The following PPP2R2B variants were observed in gnomAD, a reference collection of about 807,000 sequenced individuals.
The protein encoded by PPP2R2B is protein phosphatase 2 regulatory subunit Bbeta, also known as serine/threonine-protein phosphatase 2A 55 kDa regulatory subunit B beta isoform.
A neutral mutation model predicts 46.0 loss-of-function variants in PPP2R2B; 5 were observed. The observed-to-expected ratio is 0.11, with a 90% CI of 0.06 to 0.23. The LOEUF (loss-of-function observed/expected upper bound fraction) is 0.23, where lower values mean the gene tolerates loss of function less well. Among genes scored for constraint, PPP2R2B ranks in the 10% least tolerant of loss-of-function variants. The pLI, the probability that PPP2R2B is intolerant of heterozygous loss-of-function variation, is 1.00. For synonymous variants in PPP2R2B, 215 were observed against 206.7 expected, an observed-to-expected ratio of 1.04 and a Z score of -0.34; for missense variants, 367 against 575.0, an observed-to-expected ratio of 0.64 and a Z score of 3.70.
chr5:146,949,072 AG>A (rs1181120691), intron 1 of PPP2R2B, among the ~76,000 whole-genome samples: 1 of 152,124 alleles, frequency 6.6e-6, no homozygotes, highest in Non-Finnish European at 1.5e-5. Flanking sequence ...TTGCCTGAAT[AG>A]GTCAAGGAAT....
chr5:146,971,067 G>A (rs950396213), intron 1 of PPP2R2B, among the ~76,000 whole-genome samples: 3 of 151,994 alleles, frequency 2.0e-5, no homozygotes, highest in African/African-American at 7.2e-5. Context: ...TTTAAAATCA[G>A]GATTTATCTT....
At position 146,583,894 on chromosome 5, in the gene PPP2R2B, C is replaced by T. The variant is rs1333958980; in HGVS notation, c.*6053G>A. The T allele has an allele frequency of 6.6e-6, 1 of 152,206 alleles. No individual in the cohort carries two copies. The highest frequency in any genetic ancestry group is 2.4e-5 in the African/African-American group (1 of 41,452). 9.4% of individuals were successfully genotyped at this position (152,206 alleles called of 1,614,324 possible). On this transcript the variant is annotated 3_prime_UTR_variant, in exon 10 of 10. Coordinates refer to ENST00000394411, the MANE Select transcript of PPP2R2B (RefSeq NM_181675.4). ...ATCCCTAGCCAACCAGAGCAAGAATCACAGCAATCATGGCTTGTTCCTACA... is the reference window on the plus strand; with the variant it reads ...ATCCCTAGCCAACCAGAGCAAGAATTACAGCAATCATGGCTTGTTCCTACA...
In PPP2R2B at chr5:146,884,089, GTTTTT is replaced by G. The variant is rs372611320; in HGVS notation, c.79+171571_79+171575del. Among the ~76,000 whole-genome samples the G allele has an allele frequency of 5.4e-4, 57 of 104,682 alleles. 1 individual carries two copies. The highest frequency in any genetic ancestry group is 2.6e-3 in the East Asian group (9 of 3,496). The allele number at this position is 104,682 out of a possible 152,430, so 68.7% of individuals were successfully genotyped here. The stretch of plus-strand genomic sequence containing the variant: ...AAAAAAAACACTATGTAAATTCAGG[GTTTTT>G]TTTTTTTTTTTTTTTTTTGAGAGCC... On this transcript the variant is annotated intron_variant, in intron 1 of 8. Coordinates refer to the PPP2R2B transcript ENST00000336640.
Position 146,585,296 on chromosome 5 carries a change from A to ACACACACACT in PPP2R2B, c.*4650_*4651insAGTGTGTGTG, listed in dbSNP as rs2150989811. On this transcript the variant is annotated 3_prime_UTR_variant, in exon 10 of 10. Transcript: ENST00000394411. ...CACACACACACACACACACACACAC[A>ACACACACACT]CACACATAATGTATGATGGGGATAG... The ACACACACACT allele has an allele frequency of 6.5e-6, 1 of 152,962 alleles. No homozygotes were observed. The highest frequency in any genetic ancestry group is 1.9e-4 in the East Asian group (1 of 5,216). 9.5% of individuals were successfully genotyped at this position (152,962 alleles called of 1,614,324 possible). A position where few individuals can be genotyped will look rare whatever the true frequency, so the allele number is the denominator to read the frequency against.
chr5:146,671,156 T>C, intron 5 of PPP2R2B, among the ~76,000 whole-genome samples: 1 of 152,204 alleles, frequency 6.6e-6, no homozygotes, highest in East Asian at 1.9e-4. Flanking sequence ...CTTACAGTTG[T>C]GTCTTACATC....
intron 2 of PPP2R2B, among the ~76,000 whole-genome samples, chr5:146,727,670 G>A (rs11956043): frequency 0.024 from 3,640 of 151,946 alleles, 134 homozygotes; most frequent in African/African-American, 0.08. Flanking sequence ...AAGTCAAAAA[G>A]AAATTTTAAA....
At chr5:146,789,553 G>C (rs537143947) in intron 2 of PPP2R2B, among the ~76,000 whole-genome samples, 1 of 151,974 alleles carries the variant, frequency 6.6e-6, no homozygotes, top group Admixed American at 6.6e-5. Context: ...GTTGATTTAC[G>C]CAAAGACATT....
At position 146,600,426 on chromosome 5, in the gene PPP2R2B, T is replaced by G; in HGVS notation, c.825A>C (p.Ser275=). The G allele has an allele frequency of 6.2e-7, 1 of 1,613,822 alleles. No homozygotes were observed. Among genetic ancestry groups the G allele is most frequent in the East Asian group, 2.2e-5 (1 of 44,876 alleles). ...FEEPEDPSNR[S]FFSEIISSIS... ...TCGAAGAGATAATTTCAGAGAAAAATGATCTGTTGCTTGGATCTTCCGGCT... is the reference window on the plus strand; with the variant it reads ...TCGAAGAGATAATTTCAGAGAAAAAGGATCTGTTGCTTGGATCTTCCGGCT... Residue 275 remains serine, a synonymous_variant, in exon 8 of 10, where the codon TCA becomes TCC. Coordinates refer to ENST00000394411, the MANE Select transcript of PPP2R2B (RefSeq NM_181675.4).
intron 2 of PPP2R2B, among the ~76,000 whole-genome samples, chr5:146,855,890 A>G (rs1426885485): frequency 6.6e-6 from 1 of 152,218 alleles, no homozygotes; most frequent in African/African-American, 2.4e-5. Flanking sequence ...AATCAAGTGT[A>G]ACTACTTAGG....
intron 4 of PPP2R2B, among the ~76,000 whole-genome samples, chr5:146,696,247 G>A (rs1168411997): frequency 6.6e-6 from 1 of 152,040 alleles, no homozygotes; most frequent in Non-Finnish European, 1.5e-5. Flanking sequence ...AGGACTACAG[G>A]TGCCGGCCAC....
intron 2 of PPP2R2B, among the ~76,000 whole-genome samples, chr5:146,787,581 T>C (rs1755922080): frequency 6.6e-6 from 1 of 152,052 alleles, no homozygotes; most frequent in Non-Finnish European, 1.5e-5. Context: ...CTTCTCTTTC[T>C]TCTTGAGATG....
intron 2 of PPP2R2B, among the ~76,000 whole-genome samples, chr5:146,757,840 G>T (rs1468806419): frequency 6.6e-6 from 1 of 152,106 alleles, no homozygotes; most frequent in African/African-American, 2.4e-5. Context: ...CATCACCTTG[G>T]CTTTTGAAGG....
rs965991758 is a variant in PPP2R2B at position 146,898,695 on chromosome 5, A to G, written c.79+156970T>C. Among the ~76,000 whole-genome samples the G allele has an allele frequency of 1.5e-4, 17 of 117,100 alleles. 1 individual carries two copies. The highest frequency in any genetic ancestry group is 1.8e-4 in the Non-Finnish European group (11 of 60,450). The allele number at this position is 117,100 out of a possible 152,430, so 76.8% of individuals were successfully genotyped here. On this transcript the variant is annotated intron_variant, in intron 1 of 8. Transcript: ENST00000336640. The stretch of plus-strand genomic sequence containing the variant: ...CATCAGAGTGAACAGGCAACCTACA[A>G]AATGGGAGAAAATTTTCCCAACCTA...
intron 1 of PPP2R2B, among the ~76,000 whole-genome samples, chr5:146,954,579 T>G (rs1751787769): frequency 6.6e-6 from 1 of 151,872 alleles, no homozygotes; most frequent in Non-Finnish European, 1.5e-5. Flanking sequence ...GGGTGATGGG[T>G]GCACCAAAAT....
At chr5:146,715,471 C>T (rs1360321053) in intron 2 of PPP2R2B, among the ~76,000 whole-genome samples, 4 of 152,070 alleles carry the variant, frequency 2.6e-5, no homozygotes, top group Admixed American at 6.6e-5. Flanking sequence ...GCACGGCGTT[C>T]GACCCTCTAT....
At chr5:146,886,916 A>G (rs1024770620) in intron 1 of PPP2R2B, among the ~76,000 whole-genome samples, 1 of 152,040 alleles carries the variant, frequency 6.6e-6, no homozygotes, top group African/African-American at 2.4e-5. Flanking sequence ...TCTTCCCACC[A>G]GGAAGTCAAG....
intron 2 of PPP2R2B, among the ~76,000 whole-genome samples, chr5:146,798,266 C>T (rs1459605508): frequency 6.6e-6 from 1 of 151,994 alleles, no homozygotes; most frequent in East Asian, 1.9e-4. Flanking sequence ...GGAGACTTAC[C>T]CTCTTCTCTC....
intron 1 of PPP2R2B, among the ~76,000 whole-genome samples, chr5:146,951,359 A>T (rs2963084): frequency 0.46 from 69,498 of 149,576 alleles, 18,376 homozygotes; most frequent in East Asian, 0.71. Context: ...TTTTTTTTTT[A>T]AAAATTAAGT....
chr5:146,869,822 A>G (rs779925982), intron 2 of PPP2R2B, among the ~76,000 whole-genome samples: 20 of 152,226 alleles, frequency 1.3e-4, no homozygotes, highest in Admixed American at 6.5e-4. Flanking sequence ...TGCAGTTGGC[A>G]TGAACCAACA....
Sources: allele counts gnomAD v4.1 joint callset (sites outside exome capture counted in the v4.1 genomes callset), GRCh38; gene constraint gnomAD v4.1.1; transcripts MANE v1.5; gene names NCBI Gene and HGNC (gene_info 2026-07-23, HGNC 2026-07-21).